The following F9 variants were observed in gnomAD, a reference collection of about 807,000 sequenced individuals.
The protein encoded by F9 is Christmas factor.
Under a neutral mutation model 34.1 loss-of-function variants are expected in F9, and 2 were observed. That is an observed-to-expected ratio of 0.06 (90% CI 0.02 to 0.18). The LOEUF is 0.18. Ranked by LOEUF, F9 falls within the 10% of genes least tolerant of loss-of-function variation. The pLI is 1.00. For synonymous variants in F9, 137 were observed against 118.8 expected, an observed-to-expected ratio of 1.15 and a Z score of -1.00; for missense variants, 216 against 345.1, an observed-to-expected ratio of 0.63 and a Z score of 2.96.
intron 4 of F9, among the ~76,000 whole-genome samples, chrX:139,544,118 C>T (rs775534036): frequency 1.8e-5 from 2 of 112,015 alleles, no homozygotes; most frequent in South Asian, 7.5e-4. Flanking sequence ...TAGCCAATGA[C>T]ACAGAATCAC....
Position 139,562,096 on chromosome X carries a change from T to C in F9, c.*25T>C, listed in dbSNP as rs777472812. On this transcript the variant is annotated 3_prime_UTR_variant, in exon 8 of 8. Coordinates refer to ENST00000218099, the MANE Select transcript of F9 (RefSeq NM_000133.4). ...ATGAAAGATGGATTTCCAAGGTTAA[T>C]TCATTGGAATTGAAAATTAACAGGG... is the stretch of plus-strand genomic sequence containing the variant. 2 of 1,177,709 alleles carry C rather than the reference T, an allele frequency of 1.7e-6. No individual in the cohort carries two copies.
intron 4 of F9, among the ~76,000 whole-genome samples, chrX:139,543,422 C>T (rs1419751075): frequency 9.0e-6 from 1 of 111,378 alleles, no homozygotes; most frequent in Non-Finnish European, 1.9e-5. Flanking sequence ...GGCATTTTCC[C>T]GCAGTAAAGT....
intron 6 of F9, among the ~76,000 whole-genome samples, chrX:139,553,836 C>A (rs1369321008): frequency 4.9e-5 from 4 of 81,234 alleles, no homozygotes; most frequent in South Asian, 5.7e-4. Context: ...AAAAAAAAGT[C>A]CAAGATTAAA....
At chrX:139,534,560 C>T (rs4149672) in intron 1 of F9, among the ~76,000 whole-genome samples, 41,625 of 111,124 alleles carry the variant, frequency 0.37, 5,878 homozygotes, top group African/African-American at 0.49. Context: ...TGTACAGACT[C>T]TTTTATCTTT....
chrX:139,562,314 A>G lies in F9; in HGVS notation c.*243A>G, dbSNP rs1480219089. The stretch of plus-strand genomic sequence containing the variant: ...TTCTAAGGGCCCAGCCCTTGACAAA[A>G]TTGTGAAGTTAAATTCTCCACTCTG... On this transcript the variant is annotated 3_prime_UTR_variant, in exon 8 of 8. Transcript: ENST00000218099. The G allele has an allele frequency of 3.2e-5, 12 of 373,879 alleles. No individual in the cohort carries two copies. 30.8% of individuals were successfully genotyped at this position (373,879 alleles called of 1,213,427 possible). A position where few individuals can be genotyped will look rare whatever the true frequency, so the allele number is the denominator to read the frequency against.
intron 4 of F9, chrX:139,547,348 G>A (rs1036411214): frequency 9.0e-6 from 1 of 111,235 alleles, no homozygotes; most frequent in Non-Finnish European, 1.9e-5. Context: ...CACCATAAAG[G>A]AAAAGATTGA....
chrX:139,560,507 T>C (rs1928073349), intron 6 of F9, among the ~76,000 whole-genome samples: 1 of 112,207 alleles, frequency 8.9e-6, no homozygotes, highest in African/African-American at 3.2e-5. Context: ...TTGCCTAAGC[T>C]TAAGCTTCCC....
intron 1 of F9, among the ~76,000 whole-genome samples, chrX:139,534,715 G>C (rs1478136449): frequency 8.9e-6 from 1 of 111,943 alleles, no homozygotes; most frequent in Non-Finnish European, 1.9e-5. Flanking sequence ...TTTTATATCG[G>C]AGACTTGAGC....
rs756897171 is a variant in F9, at chrX:139,536,117, C to CAT, written c.89-878_89-877dup. ...GTCATTGTGCAGCAAATGATTATCT[C>CAT]ATATATATATATATATGATATGATA... is the stretch of plus-strand genomic sequence containing the variant. On this transcript the variant is annotated intron_variant, in intron 1 of 7. Coordinates refer to ENST00000218099, the MANE Select transcript of F9 (RefSeq NM_000133.4). Among the ~76,000 whole-genome samples, 491 of 103,105 alleles carry CAT rather than the reference C, an allele frequency of 4.8e-3. 1 individual carries two copies. Among genetic ancestry groups the CAT allele is most frequent in the South Asian group, 6.3e-3 (15 of 2,374 alleles). 89.5% of individuals were successfully genotyped at this position (103,105 alleles called of 115,157 possible).
chrX:139,536,171 G>A (rs1321528689), intron 1 of F9, among the ~76,000 whole-genome samples: 1 of 92,415 alleles, frequency 1.1e-5, no homozygotes, highest in Non-Finnish European at 2.2e-5. Context: ...GTGTATATAT[G>A]TATACATATA....
At position 139,561,648 on chromosome X, in the gene F9, G is replaced by A. The variant is rs1928108207; in HGVS notation, c.963G>A (p.Leu321=). 1.7e-6 allele frequency: 2 copies of A among 1,211,773 alleles called. No homozygotes were observed. The highest frequency in any genetic ancestry group is 3.5e-5 in the South Asian group (2 of 56,970). The change falls in exon 8 of 8, where the codon CTG becomes CTA. Residue 321 remains leucine (L), a synonymous_variant. Coordinates refer to ENST00000218099, the MANE Select transcript of F9 (RefSeq NM_000133.4). ...KYNHDIALLE[L]DEPLVLNSYV... ...ACCATGACATTGCCCTTCTGGAACT[G>A]GACGAACCCTTAGTGCTAAACAGCT...
intron 4 of F9, among the ~76,000 whole-genome samples, chrX:139,543,193 T>G (rs2148358867): frequency 9.1e-6 from 1 of 110,486 alleles, no homozygotes; most frequent in African/African-American, 3.3e-5. Context: ...TTTTGTTATC[T>G]TTTTCCCTTG....
At chrX:139,537,667 C>T (rs960133140) in intron 3 of F9, among the ~76,000 whole-genome samples, 1 of 111,490 alleles carries the variant, frequency 9.0e-6, no homozygotes, top group African/African-American at 3.3e-5. Context: ...TGTCTTAGAA[C>T]CTAATGAAAG....
chrX:139,561,759 A>G lies in F9; in HGVS notation c.1074A>G (p.Arg358=), dbSNP rs751992311. Residue 358 remains arginine (R), a synonymous_variant, in exon 8 of 8, where the codon AGA becomes AGG. Coordinates refer to ENST00000218099, the MANE Select transcript of F9 (RefSeq NM_000133.4). ...FGSGYVSGWG[R]VFHKGRSALV... ...CTGGCTATGTAAGTGGCTGGGGAAG[A>G]GTCTTCCACAAAGGGAGATCAGCTT... 1 of 1,211,965 alleles carries G rather than the reference A, an allele frequency of 8.3e-7. No individual in the cohort carries two copies. Among genetic ancestry groups the G allele is most frequent in the African/African-American group, 1.7e-5 (1 of 57,837 alleles).
Position 139,537,870 on chromosome X carries a change from T to C in F9, c.277+484T>C, listed in dbSNP as rs1403166419. Among the ~76,000 whole-genome samples, 4 of 111,146 alleles carry C rather than the reference T, an allele frequency of 3.6e-5. No individual in the cohort carries two copies. In the Admixed American group the frequency reaches 3.8e-4, roughly 11 times the overall value. On this transcript the variant is annotated intron_variant, in intron 3 of 7. Transcript: ENST00000218099. ...CAGCCACCCTGGCCTTCCTGTCACT[T>C]CTTGCACACTCTAGGAATGCTCCCA...
chrX:139,562,076 A>G lies in F9; in HGVS notation c.*5A>G. The G allele has an allele frequency of 1.7e-6, 2 of 1,205,984 alleles. No homozygotes were observed. Among genetic ancestry groups the G allele is most frequent in the Non-Finnish European group, 2.2e-6 (2 of 890,141 alleles). On this transcript the variant is annotated 3_prime_UTR_variant, in exon 8 of 8. Transcript: ENST00000218099. ...GAAAAAACAAAGCTCACTTAATGAA[A>G]GATGGATTTCCAAGGTTAATTCATT...
intron 7 of F9, 144 bp from the exon 8 acceptor site, chrX:139,561,380 T>C: frequency 3.8e-6 from 2 of 521,942 alleles, no homozygotes; most frequent in Non-Finnish European, 6.3e-6. Flanking sequence ...GCATTGGCTC[T>C]CATTACATTT....
rs373107855 is a variant in F9 at position 139,561,651 on chromosome X, C to T, written c.966C>T (p.Asp322=). The T allele has an allele frequency of 2.4e-5, 29 of 1,210,147 alleles. No homozygotes were observed. The highest frequency in any genetic ancestry group is 8.9e-5 in the East Asian group (3 of 33,788). ...YNHDIALLEL[D]EPLVLNSYVT... ...ATGACATTGCCCTTCTGGAACTGGACGAACCCTTAGTGCTAAACAGCTACG... is the reference window on the plus strand; with the variant it reads ...ATGACATTGCCCTTCTGGAACTGGATGAACCCTTAGTGCTAAACAGCTACG... The change falls in exon 8 of 8, where the codon GAC becomes GAT. Residue 322 remains aspartate (D), a synonymous_variant. Coordinates refer to ENST00000218099, the MANE Select transcript of F9 (RefSeq NM_000133.4).
intron 6 of F9, among the ~76,000 whole-genome samples, chrX:139,557,218 T>C (rs1456479625): frequency 1.8e-5 from 2 of 111,826 alleles, no homozygotes; most frequent in Non-Finnish European, 3.8e-5. Flanking sequence ...TTCCCCATTA[T>C]TCCCCAACAT....
Sources: allele counts gnomAD v4.1 joint callset (sites outside exome capture counted in the v4.1 genomes callset), GRCh38; gene constraint gnomAD v4.1.1; transcripts MANE v1.5; gene names NCBI Gene and HGNC (gene_info 2026-07-23, HGNC 2026-07-21).